Variants in VPS35 observed in about 807,000 individuals in gnomAD.
VPS35 encodes VPS35 retromer complex component, also known as vacuolar protein sorting-associated protein 35.
VPS35 carries 21 observed loss-of-function variants against 98.1 expected under a neutral mutation model. That is an observed-to-expected ratio of 0.21 (90% CI 0.15 to 0.31). The LOEUF (loss-of-function observed/expected upper bound fraction) is 0.31. Among genes scored for constraint, VPS35 ranks in the 10% least tolerant of loss-of-function variants. The pLI, the probability that VPS35 is intolerant of heterozygous loss-of-function variation, is 1.00. For missense variants in VPS35, 554 were observed against 950.8 expected (o/e 0.58, Z 5.49); for synonymous variants, 268 against 318.2 (o/e 0.84, Z 1.68).
intron 1 of VPS35, chr16:46,688,509 ACAAT>A (rs1966360075): frequency 1.0e-6 from 1 of 987,996 alleles, no homozygotes; most frequent in Non-Finnish European, 1.2e-6. Context: ...GCTAAAGTAA[ACAAT>A]CAGTCTCCTT....
intron 1 of VPS35, among the ~76,000 whole-genome samples, chr16:46,686,018 C>A (rs1038769317): frequency 3.3e-5 from 5 of 152,104 alleles, no homozygotes; most frequent in Non-Finnish European, 5.9e-5. Flanking sequence ...TTTATCTTTA[C>A]AAATGCAAAT....
rs893726279 is a variant in VPS35, at chr16:46,660,631, G to A, written c.2232C>T (p.Asn744=). Residue 744 remains asparagine (N), a synonymous_variant, in exon 17 of 17, where the codon AAC becomes AAT. Transcript: ENST00000299138. ...CTTCTCGAATCTTTTGGATAAGCTG[G>A]TTTAAAACCTGAATTGTTACCTACA... ...ENDAVTIQVL[N]QLIQKIREDL... 6.2e-7 allele frequency: 1 copy of A among 1,613,856 alleles called. No individual in the cohort carries two copies. Among genetic ancestry groups the A allele is most frequent in the Non-Finnish European group, 8.5e-7 (1 of 1,179,972 alleles).
At chr16:46,688,386 A>C (rs996171665) in intron 1 of VPS35, 14 of 986,918 alleles carry the variant, frequency 1.4e-5, no homozygotes, top group Non-Finnish European at 1.7e-5. Flanking sequence ...CCACACCACG[A>C]TTTGCTGCCG....
intron 12 of VPS35, among the ~76,000 whole-genome samples, 165 bp downstream of exon 12, chr16:46,671,540 C>T (rs1596716390): frequency 6.6e-6 from 1 of 151,968 alleles, no homozygotes; most frequent in Admixed American, 6.6e-5. Context: ...GGCACAATCT[C>T]GGCTCACTAC....
intron 11 of VPS35, 22 bp downstream of exon 11, chr16:46,672,243 T>C (rs1254245275): frequency 2.5e-6 from 4 of 1,605,732 alleles, no homozygotes; most frequent in East Asian, 2.2e-5. Context: ...TTCCCTAAAA[T>C]AGCACGTAGG....
intron 1 of VPS35, chr16:46,688,897 C>A: frequency 2.1e-6 from 3 of 1,450,996 alleles, no homozygotes; most frequent in Non-Finnish European, 2.7e-6. Flanking sequence ...CACAGAGAGG[C>A]CGCCCCGTCT....
rs1456429405 is a variant in VPS35, at chr16:46,674,331, A to G, written c.1143T>C (p.Asn381=). The change falls in exon 10 of 17, where the codon AAT becomes AAC. Residue 381 remains asparagine, a synonymous_variant. Transcript: ENST00000299138. ...TGACTTACTGTTCAAGGTTGAGCTT[A>G]TTGAATATCTCCACTGTTGTTTCTA... is the stretch of plus-strand genomic sequence containing the variant. ...KVLETTVEIF[N]KLNLEHIATS... is the part of the protein sequence containing the mutation. 4 of 1,613,996 alleles carry G rather than the reference A, an allele frequency of 2.5e-6. No homozygotes were observed. The highest frequency in any genetic ancestry group is 1.7e-5 in the Admixed American group (1 of 59,974).
rs1966230948 is a variant in VPS35 at position 46,681,280 on chromosome 16, T to A, written c.323+97A>T. 5 of 1,518,378 alleles carry A rather than the reference T, an allele frequency of 3.3e-6. No individual in the cohort carries two copies. The Admixed American group carries it at 8.4e-5, about 26-fold the overall frequency. 94.1% of individuals were successfully genotyped at this position (1,518,378 alleles called of 1,614,324 possible). On this transcript the variant is annotated intron_variant, in intron 4 of 16. Transcript: ENST00000299138. Reference sequence around the variant, plus strand: ...ATGTTCATCTCAATTTGTTAAGAAGTTACCCTTAAAACTTTTTCTTAAGCT... The same window carrying A: ...ATGTTCATCTCAATTTGTTAAGAAGATACCCTTAAAACTTTTTCTTAAGCT...
chr16:46,688,644 G>GA, intron 1 of VPS35: 1 of 1,020,900 alleles, frequency 9.8e-7, no homozygotes, highest in Non-Finnish European at 1.2e-6. Flanking sequence ...AAAGGCCAAG[G>GA]AATCACTGCG....
chr16:46,681,571 T>C (rs1966236019), intron 3 of VPS35, 71 bp from the exon 4 acceptor site: 5 of 1,558,074 alleles, frequency 3.2e-6, no homozygotes, highest in Non-Finnish European at 4.4e-6. Context: ...CTTGTTGGAG[T>C]CATTACTAAC....
intron 1 of VPS35, 116 bp downstream of exon 1, chr16:46,689,015 T>C: frequency 6.4e-7 from 1 of 1,553,294 alleles, no homozygotes; most frequent in Non-Finnish European, 8.7e-7. Flanking sequence ...CGGGCTGGTC[T>C]TAATCCCGAA....
intron 7 of VPS35, among the ~76,000 whole-genome samples, chr16:46,677,076 T>A (rs1966163050): frequency 6.6e-6 from 1 of 152,118 alleles, no homozygotes; most frequent in Non-Finnish European, 1.5e-5. Flanking sequence ...TTTAATTTTT[T>A]ATAGAAACGG....
At chr16:46,667,758 C>G (rs1966010550) in intron 13 of VPS35, among the ~76,000 whole-genome samples, 1 of 152,066 alleles carries the variant, frequency 6.6e-6, no homozygotes, top group African/African-American at 2.4e-5. Flanking sequence ...TTTCCCAATA[C>G]TATTTATTGA....
intron 1 of VPS35, 37 bp downstream of exon 1, chr16:46,689,093 AG>A: frequency 6.2e-7 from 1 of 1,604,048 alleles, no homozygotes; most frequent in South Asian, 1.1e-5. Context: ...GGCTACAAGG[AG>A]GGTCGACCCA....
chr16:46,685,706 T>G (rs1201373921), intron 1 of VPS35, among the ~76,000 whole-genome samples: 2 of 152,186 alleles, frequency 1.3e-5, no homozygotes, highest in African/African-American at 4.8e-5. Context: ...TCTCTGAACT[T>G]TAGTGAAACC....
rs879811262 is a variant in VPS35 at position 46,658,065 on chromosome 16, A to C, written c.*2407T>G. ...TGTCAAATTGCTATAAAGGGTTTTA[A>C]ATGCTAAGTCAATTTCTAAATATCT... On this transcript the variant is annotated 3_prime_UTR_variant, in exon 17 of 17. Transcript: ENST00000299138. The C allele has an allele frequency of 6.6e-6, 1 of 152,260 alleles. No homozygotes were observed. The highest frequency in any genetic ancestry group is 1.5e-5 in the Non-Finnish European group (1 of 68,050). 9.4% of individuals were successfully genotyped at this position (152,260 alleles called of 1,614,324 possible). A position where few individuals can be genotyped will look rare whatever the true frequency, so the allele number is the denominator to read the frequency against.
chr16:46,666,782 A>G (rs1965996347), intron 13 of VPS35, among the ~76,000 whole-genome samples: 1 of 152,240 alleles, frequency 6.6e-6, no homozygotes. Flanking sequence ...TCTACTATGT[A>G]GAGAATATGT....
chr16:46,674,668 A>T lies in VPS35; in HGVS notation c.915-8T>A. ...TGAGCAAATAAAGCTAATCTAAAAA[A>T]AAAAAAAACACCCCTTTATTTTAAA... On this transcript the variant is annotated splice_region_variant and splice_polypyrimidine_tract_variant and intron_variant, in intron 8 of 16. Transcript: ENST00000299138. The T allele has an allele frequency of 6.3e-7, 1 of 1,594,768 alleles. No individual in the cohort carries two copies. Among genetic ancestry groups the T allele is most frequent in the Non-Finnish European group, 8.6e-7 (1 of 1,168,746 alleles).
intron 13 of VPS35, among the ~76,000 whole-genome samples, chr16:46,666,779 T>C (rs1413838393): frequency 2.0e-5 from 3 of 152,242 alleles, no homozygotes; most frequent in Non-Finnish European, 2.9e-5. Context: ...TATTCTACTA[T>C]GTAGAGAATA....
Sources: allele counts gnomAD v4.1 joint callset (sites outside exome capture counted in the v4.1 genomes callset), GRCh38; gene constraint gnomAD v4.1.1; transcripts MANE v1.5; gene names NCBI Gene and HGNC (gene_info 2026-07-23, HGNC 2026-07-21).